Variants in COL21A1 observed in about 807,000 individuals in gnomAD.
The protein encoded by COL21A1 is collagen alpha-1(XXI) chain.
COL21A1 carries 149 observed loss-of-function variants against 137.9 expected under a neutral mutation model. That is an observed-to-expected ratio of 1.08 (90% CI 0.95 to 1.24). COL21A1 has a LOEUF of 1.24. Among genes scored for constraint, COL21A1 ranks in the 50% most tolerant of loss-of-function variants. The pLI, the probability that COL21A1 is intolerant of heterozygous loss-of-function variation, is 0.00. For missense variants in COL21A1, 1,167 were observed against 1,158.4 expected, an observed-to-expected ratio of 1.01 and a Z score of -0.11; for synonymous variants, 456 against 391.5, an observed-to-expected ratio of 1.16 and a Z score of -1.95.
chr6:56,203,815 G>A (rs1336176218), intron 1 of COL21A1, among the ~76,000 whole-genome samples: 1 of 152,190 alleles, frequency 6.6e-6, no homozygotes, highest in Non-Finnish European at 1.5e-5. Flanking sequence ...GCCCACAGAG[G>A]GCGAGCTGAA....
At chr6:56,085,264 TTA>T (rs1168902878) in intron 17 of COL21A1, among the ~76,000 whole-genome samples, 7 of 151,996 alleles carry the variant, frequency 4.6e-5, no homozygotes, top group Non-Finnish European at 8.8e-5. Context: ...ACTAATAAAT[TTA>T]AGTTATCTAA....
At chr6:56,228,376 T>C (rs964458548) in intron 1 of COL21A1, among the ~76,000 whole-genome samples, 8 of 151,738 alleles carry the variant, frequency 5.3e-5, no homozygotes, top group Admixed American at 5.3e-4. Context: ...CCAGGTCCTA[T>C]GACTGTTTGA....
intron 1 of COL21A1, among the ~76,000 whole-genome samples, chr6:56,208,300 CCTT>C (rs1779926645): frequency 6.6e-6 from 1 of 152,174 alleles, no homozygotes; most frequent in African/African-American, 2.4e-5. Context: ...CCCAAAATCT[CCTT>C]AAGCTGATAA....
chr6:56,152,602 G>A (rs1012640175), intron 10 of COL21A1, among the ~76,000 whole-genome samples: 3 of 152,042 alleles, frequency 2.0e-5, no homozygotes, highest in Admixed American at 2.0e-4. Flanking sequence ...CTTAGTCAGA[G>A]TCATAGAGTA....
At chr6:56,384,741 C>T (rs956279954) in intron 1 of COL21A1, among the ~76,000 whole-genome samples, 5 of 152,070 alleles carry the variant, frequency 3.3e-5, no homozygotes, top group African/African-American at 9.7e-5. Flanking sequence ...GGAGAGAAGA[C>T]TCAACCCCAC....
chr6:56,241,797 T>A (rs1243028918), intron 1 of COL21A1, among the ~76,000 whole-genome samples: 2 of 152,246 alleles, frequency 1.3e-5, no homozygotes, highest in African/African-American at 4.8e-5. Flanking sequence ...TGATACATCA[T>A]GCTATGCTTG....
chr6:56,168,154 TC>T lies in COL21A1; in HGVS notation c.1169del (p.Gly390GlufsTer48). 6.5e-7 allele frequency: 1 copy of T among 1,533,614 alleles called. No individual in the cohort carries two copies. Among genetic ancestry groups the T allele is most frequent in the Admixed American group, 2.0e-5 (1 of 49,884 alleles). The part of the protein sequence containing the change: ...GILINGQTQI[G>X]KYSGKEETVQ... Reference sequence around the variant, plus strand: ...CAGTTTCTTCTTTTCCAGAATATTTTCCAATTTGGGTTTGCCCATTGATCAA... The same window carrying T: ...CAGTTTCTTCTTTTCCAGAATATTTTCAATTTGGGTTTGCCCATTGATCAA... On this transcript the variant is annotated frameshift_variant, in exon 6 of 30. Coordinates refer to ENST00000244728, the MANE Select transcript of COL21A1 (RefSeq NM_030820.4). LOFTEE classifies it high-confidence loss of function.
At chr6:56,289,365 C>T (rs1763986313) in intron 1 of COL21A1, among the ~76,000 whole-genome samples, 2 of 152,210 alleles carry the variant, frequency 1.3e-5, no homozygotes, top group South Asian at 2.1e-4. Context: ...CTGAGAGAAT[C>T]CTTGCAGCTT....
chr6:56,272,801 G>C (rs983577869), intron 1 of COL21A1, among the ~76,000 whole-genome samples: 2 of 152,122 alleles, frequency 1.3e-5, no homozygotes, highest in African/African-American at 4.8e-5. Flanking sequence ...TTGTGATGAA[G>C]GTACTTGCTT....
intron 17 of COL21A1, among the ~76,000 whole-genome samples, chr6:56,084,364 C>T (rs1768047732): frequency 6.6e-6 from 1 of 151,558 alleles, no homozygotes; most frequent in Admixed American, 6.6e-5. Flanking sequence ...TCAGTGGATC[C>T]AATTTGTTGT....
At chr6:56,307,938 G>T (rs947346401) in intron 1 of COL21A1, among the ~76,000 whole-genome samples, 4 of 152,062 alleles carry the variant, frequency 2.6e-5, no homozygotes, top group African/African-American at 7.2e-5. Context: ...CAACCTAAGG[G>T]TCCATCAACA....
In COL21A1 at chr6:56,061,697, GA is replaced by G; in HGVS notation, c.2173-17del. ...CTTGAATTCCCTTTGAAAATTAATA[GA>G]AAAAATATAATAAATGTGCAAGCTA... On this transcript the variant is annotated splice_polypyrimidine_tract_variant and intron_variant, in intron 24 of 29. Coordinates refer to ENST00000244728, the MANE Select transcript of COL21A1 (RefSeq NM_030820.4). 1 of 1,541,134 alleles carries G rather than the reference GA, an allele frequency of 6.5e-7. No homozygotes were observed. Among genetic ancestry groups the G allele is most frequent in the Non-Finnish European group, 8.9e-7 (1 of 1,126,330 alleles).
chr6:56,274,366 G>C (rs985811537), intron 1 of COL21A1, among the ~76,000 whole-genome samples: 4 of 152,112 alleles, frequency 2.6e-5, no homozygotes, highest in African/African-American at 7.2e-5. Flanking sequence ...GTCCTAACTA[G>C]AGCAATAAGG....
At chr6:56,261,762 G>A (rs1312963939) in intron 1 of COL21A1, among the ~76,000 whole-genome samples, 1 of 152,166 alleles carries the variant, frequency 6.6e-6, no homozygotes, top group African/African-American at 2.4e-5. Flanking sequence ...AAATCAACAA[G>A]GGATTATTTC....
chr6:56,280,910 T>A (rs1174104758), intron 1 of COL21A1, among the ~76,000 whole-genome samples: 1 of 151,938 alleles, frequency 6.6e-6, no homozygotes, highest in Non-Finnish European at 1.5e-5. Flanking sequence ...GGGGCTGAGG[T>A]AGGAGGATCA....
intron 1 of COL21A1, among the ~76,000 whole-genome samples, chr6:56,335,273 T>A (rs1194905887): frequency 6.6e-6 from 1 of 152,054 alleles, no homozygotes; most frequent in East Asian, 1.9e-4. Flanking sequence ...AGGCTAGATA[T>A]AAAAATTAAA....
intron 1 of COL21A1, among the ~76,000 whole-genome samples, chr6:56,241,607 C>T (rs1782328110): frequency 6.8e-6 from 1 of 147,106 alleles, no homozygotes. Flanking sequence ...AATAGGGAAA[C>T]GGTGGAGAGC....
intron 16 of COL21A1, among the ~76,000 whole-genome samples, chr6:56,102,814 C>G (rs1322428266): frequency 6.6e-6 from 1 of 152,074 alleles, no homozygotes; most frequent in Non-Finnish European, 1.5e-5. Context: ...TTCATCTATA[C>G]CAGTTTTATT....
chr6:56,212,855 A>G (rs1257033664), intron 1 of COL21A1, among the ~76,000 whole-genome samples: 1 of 152,056 alleles, frequency 6.6e-6, no homozygotes, highest in Non-Finnish European at 1.5e-5. Flanking sequence ...AATGATATAT[A>G]CTCAAAATTC....
Sources: gnomAD v4.1 joint callset for allele counts (sites outside exome capture counted in the v4.1 genomes callset) on GRCh38, gnomAD v4.1.1 for gene constraint, MANE v1.5 for transcripts, NCBI Gene and HGNC (gene_info 2026-07-23, HGNC 2026-07-21) for gene names.